The following RHBDD1 variants were observed in gnomAD, a reference collection of about 807,000 sequenced individuals.
The protein encoded by RHBDD1 is rhomboid domain containing 1.
Under a neutral mutation model 36.3 loss-of-function variants are expected in RHBDD1, and 38 were observed. That is an observed-to-expected ratio of 1.05 (90% CI 0.81 to 1.37). The LOEUF is 1.37. RHBDD1 is among the 40% of genes most tolerant of loss of function. RHBDD1 has a pLI of 0.00. For synonymous variants in RHBDD1, 151 were observed against 136.5 expected (o/e 1.11, Z -0.74); for missense variants, 393 against 377.6 (o/e 1.04, Z -0.34).
At chr2:226,864,578 T>C (rs1944159852) in intron 3 of RHBDD1, 26 bp from the exon 4 acceptor site, 2 of 814,186 alleles carry the variant, frequency 2.5e-6, no homozygotes, top group Admixed American at 4.6e-5. Context: ...TAATTGATGG[T>C]TTTTCACATG....
At chr2:226,836,010 G>C (rs548046602), upstream of RHBDD1, 1 of 152,822 alleles carries the variant, frequency 6.5e-6, no homozygotes, top group African/African-American at 2.4e-5. Flanking sequence ...CAGGAACCCG[G>C]GGCGCCCCGG....
At chr2:226,945,191 G>C (rs1397722181) in intron 8 of RHBDD1, among the ~76,000 whole-genome samples, 2 of 128,450 alleles carry the variant, frequency 1.6e-5, no homozygotes, top group Non-Finnish European at 3.4e-5. Context: ...TTAAGTTCTG[G>C]GATACATGTG....
intron 8 of RHBDD1, among the ~76,000 whole-genome samples, chr2:226,995,229 A>G (rs550258484): frequency 6.6e-6 from 1 of 152,380 alleles, no homozygotes; most frequent in Admixed American, 6.5e-5. Flanking sequence ...AATCAGATTC[A>G]TGGCTGAACC....
At chr2:226,889,735 T>C (rs984650001) in intron 5 of RHBDD1, among the ~76,000 whole-genome samples, 4 of 152,182 alleles carry the variant, frequency 2.6e-5, no homozygotes, top group Admixed American at 6.5e-5. Context: ...TCCAGACATA[T>C]AGATGCCGAG....
At chr2:226,844,003 G>A (rs1941949439) in intron 3 of RHBDD1, among the ~76,000 whole-genome samples, 1 of 152,032 alleles carries the variant, frequency 6.6e-6, no homozygotes, top group South Asian at 2.1e-4. Context: ...TTCAGTCTTG[G>A]GAGGGTGTAT....
At chr2:226,880,839 G>A (rs1245748212) in intron 5 of RHBDD1, among the ~76,000 whole-genome samples, 1 of 152,218 alleles carries the variant, frequency 6.6e-6, no homozygotes, top group East Asian at 1.9e-4. Flanking sequence ...TAGTGGCTAA[G>A]TGAAAAGGTA....
chr2:226,910,912 A>G (rs1948473318), intron 7 of RHBDD1, among the ~76,000 whole-genome samples: 1 of 152,108 alleles, frequency 6.6e-6, no homozygotes, highest in Non-Finnish European at 1.5e-5. Context: ...TAGAACGTTT[A>G]GCCACACTGG....
rs1960032437 is a variant in RHBDD1 at position 226,998,387 on chromosome 2, C to T, written c.*2865C>T. On this transcript the variant is annotated 3_prime_UTR_variant, in exon 9 of 9. Coordinates refer to ENST00000392062, the MANE Select transcript of RHBDD1 (RefSeq NM_001167608.3). ...GGATGAGAAAGACCACCTCCCCCTACCCTGGAAATTGCACTGCAAGGCAGG... is the reference window on the plus strand; with the variant it reads ...GGATGAGAAAGACCACCTCCCCCTATCCTGGAAATTGCACTGCAAGGCAGG... 1 of 152,192 alleles carries T rather than the reference C, an allele frequency of 6.6e-6. No homozygotes were observed. Among genetic ancestry groups the T allele is most frequent in the Non-Finnish European group, 1.5e-5 (1 of 68,026 alleles). 9.4% of individuals were successfully genotyped at this position (152,192 alleles called of 1,614,324 possible). A position where few individuals can be genotyped will look rare whatever the true frequency, so the allele number is the denominator to read the frequency against.
chr2:226,908,086 A>T (rs1452051888), intron 6 of RHBDD1: 3 of 152,230 alleles, frequency 2.0e-5, no homozygotes, highest in Admixed American at 6.5e-5. Flanking sequence ...AAGCCTTAAA[A>T]AATAAGTGGT....
At chr2:226,833,681 A>T (rs530088225), upstream of RHBDD1, among the ~76,000 whole-genome samples, 31 of 152,304 alleles carry the variant, frequency 2.0e-4, no homozygotes, top group African/African-American at 7.5e-4. Context: ...TTTAGAAATC[A>T]TTGTTTTATA....
At chr2:226,923,330 A>G (rs1251000318) in intron 8 of RHBDD1, among the ~76,000 whole-genome samples, 1 of 152,058 alleles carries the variant, frequency 6.6e-6, no homozygotes, top group Non-Finnish European at 1.5e-5. Context: ...CAGCACTTTA[A>G]ATATATCATG....
At chr2:226,917,292 C>A (rs1320446972) in intron 8 of RHBDD1, among the ~76,000 whole-genome samples, 1 of 151,900 alleles carries the variant, frequency 6.6e-6, no homozygotes, top group Non-Finnish European at 1.5e-5. Context: ...GTAAAAATAA[C>A]TCGAGAGTAT....
At chr2:226,817,063 A>C in the RHBDD1 span, among the ~76,000 whole-genome samples, 2 of 152,218 alleles carry the variant, frequency 1.3e-5, no homozygotes, top group Non-Finnish European at 2.9e-5. Context: ...TTCTACAGCT[A>C]ATGCTTCCAG....
chr2:226,953,881 G>GCAGCAGGA (rs1951600188), intron 8 of RHBDD1, among the ~76,000 whole-genome samples: 1 of 152,212 alleles, frequency 6.6e-6, no homozygotes, highest in Admixed American at 6.5e-5. Flanking sequence ...TTGGAAGACT[G>GCAGCAGGA]CAGCAGGACA....
intron 8 of RHBDD1, among the ~76,000 whole-genome samples, chr2:226,981,935 C>T (rs1245483837): frequency 4.6e-5 from 7 of 152,218 alleles, no homozygotes; most frequent in Middle Eastern, 3.2e-3. Flanking sequence ...AAGGTTGCAT[C>T]GCCCTCATGG....
intron 5 of RHBDD1, chr2:226,895,745 C>T (rs1947050889): frequency 9.1e-6 from 9 of 985,260 alleles, no homozygotes; most frequent in Non-Finnish European, 1.1e-5. Context: ...ATCCAGAGCA[C>T]TATTTAGAAA....
At chr2:226,832,129 G>GT (rs1271852173), upstream of RHBDD1, among the ~76,000 whole-genome samples, 1 of 151,070 alleles carries the variant, frequency 6.6e-6, no homozygotes, top group East Asian at 1.9e-4. Flanking sequence ...CTTTTTCTTG[G>GT]TGTTTAAAGG....
At chr2:226,835,865 C>G (rs574543320), upstream of RHBDD1, 1 of 152,622 alleles carries the variant, frequency 6.6e-6, no homozygotes, top group Non-Finnish European at 1.5e-5. Flanking sequence ...TCCTGCCCCG[C>G]TGTGCCCTCG....
intron 8 of RHBDD1, among the ~76,000 whole-genome samples, chr2:226,923,082 T>A (rs1216806666): frequency 6.6e-6 from 1 of 152,238 alleles, no homozygotes; most frequent in Non-Finnish European, 1.5e-5. Flanking sequence ...TGTGTCCTTT[T>A]ATTCTGTTTT....
Sources: allele counts gnomAD v4.1 joint callset (sites outside exome capture counted in the v4.1 genomes callset), GRCh38; gene constraint gnomAD v4.1.1; transcripts MANE v1.5; gene names NCBI Gene and HGNC (gene_info 2026-07-23, HGNC 2026-07-21).